UNC13A: variants seen among roughly 807,000 people sequenced by gnomAD.
UNC13A encodes the protein unc-13 homolog A, also known as protein unc-13 homolog A.
UNC13A carries 61 observed loss-of-function variants against 219.7 expected under a neutral mutation model. That is an observed-to-expected ratio of 0.28 (90% CI 0.23 to 0.34). The LOEUF (loss-of-function observed/expected upper bound fraction) is 0.34. UNC13A is among the 10% of genes least tolerant of loss of function. The probability of loss-of-function intolerance (pLI) is 1.00; values close to 1 mark genes in which losing one functional copy is unlikely to be tolerated. For missense variants in UNC13A, 1,476 were observed against 2,270.3 expected, an observed-to-expected ratio of 0.65 and a Z score of 7.11; for synonymous variants, 920 against 884.6, an observed-to-expected ratio of 1.04 and a Z score of -0.71.
At chr19:17,615,929 AC>A (rs1244015599) in intron 41 of UNC13A, among the ~76,000 whole-genome samples, 4 of 151,504 alleles carry the variant, frequency 2.6e-5, no homozygotes, top group Non-Finnish European at 5.9e-5. Context: ...CAGTGATTGC[AC>A]CACTGCATTC....
At position 17,606,360 on chromosome 19, in the gene UNC13A, T is replaced by C; in HGVS notation, c.4812-6A>G. On this transcript the variant is annotated splice_region_variant and splice_polypyrimidine_tract_variant and intron_variant, in intron 43 of 43. Coordinates refer to ENST00000519716, the MANE Select transcript of UNC13A (RefSeq NM_001080421.3). ...CCGCGTCGGCGCTCAGCGTGCTGCG[T>C]GGGGAGGGGCGGAACGTGAGACAGG... The C allele has an allele frequency of 6.5e-7, 1 of 1,542,114 alleles. No individual in the cohort carries two copies. Among genetic ancestry groups the C allele is most frequent in the Non-Finnish European group, 8.7e-7 (1 of 1,146,580 alleles).
intron 41 of UNC13A, among the ~76,000 whole-genome samples, chr19:17,614,824 G>A (rs1010428143): frequency 3.3e-5 from 5 of 151,974 alleles, no homozygotes; most frequent in African/African-American, 4.8e-5. Context: ...ATGCTCAGCC[G>A]CCCCGCCCTC....
intron 26 of UNC13A, 94 bp from the exon 27 acceptor site, chr19:17,633,287 T>C (rs555599264): frequency 1.6e-6 from 2 of 1,219,326 alleles, no homozygotes; most frequent in Non-Finnish European, 1.2e-6. Context: ...GAGTGTAGGG[T>C]AGGGTAGAGG....
At position 17,649,086 on chromosome 19, in the gene UNC13A, C is replaced by A; in HGVS notation, c.1525-103G>T. On this transcript the variant is annotated intron_variant, in intron 14 of 43. Transcript: ENST00000519716. The surrounding 1 kb of genome is among the most constrained non-coding windows in gnomAD (Gnocchi z 4.4). The stretch of plus-strand genomic sequence containing the variant: ...TGGGGCCAGCAGCCACATTTTGGAG[C>A]CACAACCGCAAGTTGGAAACAGGTC... 15 of 1,322,288 alleles carry A rather than the reference C, an allele frequency of 1.1e-5. No individual in the cohort carries two copies. The South Asian group carries it at 2.1e-4, about 18-fold the overall frequency. The allele number at this position is 1,322,288 out of a possible 1,614,324, so 81.9% of individuals were successfully genotyped here. A position where few individuals can be genotyped will look rare whatever the true frequency, so the allele number is the denominator to read the frequency against.
chr19:17,672,400 C>G lies in UNC13A; in HGVS notation c.248G>C (p.Arg83Thr). ...TMVGTVWIPLRTIRQSNEEGP... is the reference protein window; with the variant it reads ...TMVGTVWIPLTTIRQSNEEGP... Reference sequence around the variant, plus strand: ...CACCTCATTGGACTGGCGGATGGTCCTCAGTGGGATCCACACAGTGCCCAC... The same window carrying G: ...CACCTCATTGGACTGGCGGATGGTCGTCAGTGGGATCCACACAGTGCCCAC... The change falls in exon 4 of 44, where the codon AGG becomes ACG. Residue 83 changes from arginine (R) to threonine (T), a missense_variant. This residue lies in a region of UNC13A where 203 missense variants were observed against 301.6 expected (regional missense o/e 0.67). Transcript: ENST00000519716. 2 of 1,613,768 alleles carry G rather than the reference C, an allele frequency of 1.2e-6. No individual in the cohort carries two copies. Among genetic ancestry groups the G allele is most frequent in the Non-Finnish European group, 1.7e-6 (2 of 1,179,822 alleles).
intron 41 of UNC13A, chr19:17,613,717 T>TTTTC (rs2076629795): frequency 1.4e-5 from 2 of 147,476 alleles, no homozygotes; most frequent in African/African-American, 5.0e-5. Context: ...TTTTTTTTTT[T>TTTTC]TTTTTTTCTT....
At position 17,684,153 on chromosome 19, in the gene UNC13A, G is replaced by C. The variant is rs545574565; in HGVS notation, c.22+4025C>G. 6.6e-5 allele frequency among the ~76,000 whole-genome samples: 10 copies of C among 152,232 alleles called. No individual in the cohort carries two copies. In the South Asian group the frequency reaches 1.9e-3, roughly 28 times the overall value. ...TGTGCAAAATGCTGTGAGGCACATAGGAAGATCTGGAAGTAACCCTTCACA... is the reference window on the plus strand; with the variant it reads ...TGTGCAAAATGCTGTGAGGCACATACGAAGATCTGGAAGTAACCCTTCACA... On this transcript the variant is annotated intron_variant, in intron 1 of 43. Transcript: ENST00000519716.
intron 28 of UNC13A, 112 bp downstream of exon 28, chr19:17,632,670 A>G: frequency 6.6e-7 from 1 of 1,509,628 alleles, no homozygotes; most frequent in Non-Finnish European, 9.0e-7. Context: ...AGCCCCACCC[A>G]TGCCCCTGAT....
chr19:17,653,887 C>T (rs867425121), intron 11 of UNC13A, among the ~76,000 whole-genome samples: 9 of 139,390 alleles, frequency 6.5e-5, no homozygotes, highest in African/African-American at 1.1e-4. Context: ...TGTGCAGTGG[C>T]GCGATCTCGG....
At chr19:17,667,873 C>T (rs534597313) in intron 6 of UNC13A, among the ~76,000 whole-genome samples, 83 of 150,202 alleles carry the variant, frequency 5.5e-4, no homozygotes, top group Non-Finnish European at 1.0e-3. Flanking sequence ...TGCCCACCTT[C>T]GCCTCTCAAA....
intron 25 of UNC13A, 103 bp from the exon 26 acceptor site, chr19:17,636,260 C>T: frequency 2.2e-6 from 3 of 1,358,960 alleles, no homozygotes; most frequent in Middle Eastern, 2.3e-4. Flanking sequence ...TGCATCCCAT[C>T]ATCATGTGTA....
chr19:17,683,365 C>G (rs1413077604), intron 1 of UNC13A, among the ~76,000 whole-genome samples: 2 of 151,996 alleles, frequency 1.3e-5, no homozygotes, highest in Non-Finnish European at 2.9e-5. Flanking sequence ...GGCACGGTGG[C>G]TCGAGCCTGT....
intron 19 of UNC13A, among the ~76,000 whole-genome samples, chr19:17,645,019 T>C (rs2077010385): frequency 6.7e-6 from 1 of 149,048 alleles, no homozygotes; most frequent in Non-Finnish European, 1.5e-5. Context: ...CTTTTTTTTT[T>C]TTTTTTGAGT....
At chr19:17,635,654 A>T (rs1303913646) in intron 26 of UNC13A, among the ~76,000 whole-genome samples, 1 of 152,228 alleles carries the variant, frequency 6.6e-6, no homozygotes, top group Non-Finnish European at 1.5e-5. Flanking sequence ...TACATATAAG[A>T]TATAATGCAA....
chr19:17,657,795 G>A (rs901762599), intron 9 of UNC13A, among the ~76,000 whole-genome samples: 2 of 151,854 alleles, frequency 1.3e-5, no homozygotes, highest in Non-Finnish European at 2.9e-5. Flanking sequence ...CTTGAGTCTG[G>A]GTGGTGGAGG....
chr19:17,654,030 T>A (rs1337455020), intron 11 of UNC13A, among the ~76,000 whole-genome samples: 1 of 151,520 alleles, frequency 6.6e-6, no homozygotes, highest in African/African-American at 2.4e-5. Context: ...GGTTTCACCA[T>A]GTTAGCCAGG....
At chr19:17,635,152 C>T (rs1302976233) in intron 26 of UNC13A, among the ~76,000 whole-genome samples, 1 of 152,160 alleles carries the variant, frequency 6.6e-6, no homozygotes, top group East Asian at 1.9e-4. Context: ...AGGGGTGAGC[C>T]ACCGCGCGTG....
In UNC13A at chr19:17,639,229, G is replaced by A; in HGVS notation, c.2947-12C>T. 1 of 1,613,784 alleles carries A rather than the reference G, an allele frequency of 6.2e-7. No individual in the cohort carries two copies. The highest frequency in any genetic ancestry group is 8.5e-7 in the Non-Finnish European group (1 of 1,179,810). ...TGGAGTTCTTGTACCTGAAGGGAGGGAGAGAGGCATAGGCGGCCACAGCTG... is the reference window on the plus strand; with the variant it reads ...TGGAGTTCTTGTACCTGAAGGGAGGAAGAGAGGCATAGGCGGCCACAGCTG... On this transcript the variant is annotated splice_polypyrimidine_tract_variant and intron_variant, in intron 24 of 43. Transcript: ENST00000519716.
chr19:17,630,645 C>A lies in UNC13A; in HGVS notation c.3525+9G>T. ...GATTAGGAACTTGGTTGTGGGTGGG[C>A]CTTCTTACCCCATCCTTCTTGTCTC... On this transcript the variant is annotated intron_variant, in intron 29 of 43. Coordinates refer to ENST00000519716, the MANE Select transcript of UNC13A (RefSeq NM_001080421.3). 3 of 1,613,848 alleles carry A rather than the reference C, an allele frequency of 1.9e-6. No homozygotes were observed. In the South Asian group the frequency reaches 3.3e-5, roughly 18 times the overall value.
Sources: allele counts gnomAD v4.1 joint callset (sites outside exome capture counted in the v4.1 genomes callset), GRCh38; gene constraint gnomAD v4.1.1; regional missense constraint gnomAD v4.1.1; non-coding constraint Gnocchi (gnomAD v3.1); transcripts MANE v1.5; gene names NCBI Gene and HGNC (gene_info 2026-07-23, HGNC 2026-07-21).